The following POTEE variants were observed in gnomAD, a reference collection of about 807,000 sequenced individuals.
POTEE encodes the protein ANKRD26-like family C member 1A.
POTEE carries 21 observed loss-of-function variants against 74.2 expected under a neutral mutation model. The observed-to-expected ratio is 0.28, with a 90% confidence interval of 0.20 to 0.41. The LOEUF (loss-of-function observed/expected upper bound fraction) is 0.41. Among genes scored for constraint, POTEE ranks in the 10% least tolerant of loss-of-function variants. The probability of loss-of-function intolerance (pLI) is 1.00; values close to 1 mark genes in which losing one functional copy is unlikely to be tolerated. For missense variants in POTEE, 525 were observed against 1,158.6 expected (o/e 0.45, Z 7.94); for synonymous variants, 211 against 432.8 (o/e 0.49, Z 6.36).
intron 2 of POTEE, among the ~76,000 whole-genome samples, chr2:131,211,910 T>C (rs1188840353): frequency 2.0e-5 from 3 of 150,858 alleles, no homozygotes; most frequent in Non-Finnish European, 4.4e-5. Flanking sequence ...ATTTTGTGAA[T>C]TGGGGAGGGG....
chr2:131,218,312 T>C lies in POTEE; in HGVS notation c.-91T>C. On this transcript the variant is annotated splice_region_variant and 5_prime_UTR_variant, in exon 4 of 18. Coordinates refer to ENST00000683005, the MANE Select transcript of POTEE (RefSeq NM_001083538.3). ...GATTGACATTTCTCTTCAAACAGATTGGAAACCCGGAGTTACCTGCTAGTT... is the reference window on the plus strand; with the variant it reads ...GATTGACATTTCTCTTCAAACAGATCGGAAACCCGGAGTTACCTGCTAGTT... The C allele has an allele frequency of 1.9e-6, 3 of 1,589,636 alleles. No homozygotes were observed. The South Asian group carries it at 3.5e-5, about 18-fold the overall frequency.
intron 6 of POTEE, among the ~76,000 whole-genome samples, chr2:131,224,799 T>C (rs2105078332): frequency 6.6e-6 from 1 of 151,728 alleles, no homozygotes; most frequent in Non-Finnish European, 1.5e-5. Context: ...GGTGGTAATG[T>C]AAGAGGAAAC....
intron 6 of POTEE, among the ~76,000 whole-genome samples, chr2:131,226,609 G>C (rs1700787001): frequency 6.7e-6 from 1 of 150,094 alleles, no homozygotes; most frequent in Admixed American, 6.6e-5. Context: ...GAGTTTTTGA[G>C]ATGATTAGAG....
chr2:131,212,943 A>C (rs1700387053), intron 2 of POTEE, among the ~76,000 whole-genome samples: 1 of 149,856 alleles, frequency 6.7e-6, no homozygotes, highest in South Asian at 2.1e-4. Flanking sequence ...GAGAAAAAGG[A>C]AGTCGGGAGA....
In POTEE at chr2:131,215,480, T is replaced by G. The variant is rs150714749; in HGVS notation, c.-188-2109T>G. ...AATTTTTACTAGATTTTTCAAGACT[T>G]ACGCTAGAACTTTGAGAACAAGGTA... is the stretch of plus-strand genomic sequence containing the variant. On this transcript the variant is annotated intron_variant, in intron 2 of 17. Coordinates refer to ENST00000683005, the MANE Select transcript of POTEE (RefSeq NM_001083538.3). Among the ~76,000 whole-genome samples the G allele has an allele frequency of 1.8e-3, 270 of 151,976 alleles. 2 individuals are homozygous for G. In the East Asian group the frequency reaches 0.03, roughly 17 times the overall value.
At chr2:131,228,970 C>T (rs1224549246) in intron 8 of POTEE, among the ~76,000 whole-genome samples, 2 of 147,114 alleles carry the variant, frequency 1.4e-5, no homozygotes, top group South Asian at 4.2e-4. Flanking sequence ...GTCTTCATGG[C>T]GATTCATACA....
chr2:131,230,290 A>T (rs1056339029), intron 8 of POTEE, among the ~76,000 whole-genome samples: 5 of 152,216 alleles, frequency 3.3e-5, no homozygotes, highest in African/African-American at 1.2e-4. Flanking sequence ...GAAAACTACA[A>T]CATTTGTATA....
rs553121253 is a variant in POTEE at position 131,223,664 on chromosome 2, G to A, written c.590G>A (p.Cys197Tyr). The A allele has an allele frequency of 3.7e-6, 6 of 1,611,650 alleles. No individual in the cohort carries two copies. In the African/African-American group the frequency reaches 8.1e-5, roughly 22 times the overall value. Residue 197 changes from cysteine (C) to tyrosine (Y), a missense_variant, in exon 5 of 18, where the codon TGT becomes TAT. Transcript: ENST00000683005. ...GTAAAACTCCTGCTGGACAGACGAT[G>A]TCAACTTAATGTCCTTGACAACAAA... Reference protein sequence around the residue: ...EVVKLLLDRRCQLNVLDNKKR... With the variant: ...EVVKLLLDRRYQLNVLDNKKR...
Position 131,221,907 on chromosome 2 carries a change from A to G in POTEE, c.522-1689A>G, listed in dbSNP as rs571439406. Among the ~76,000 whole-genome samples, 46 of 152,374 alleles carry G rather than the reference A, an allele frequency of 3.0e-4. No homozygotes were observed. The South Asian group carries it at 9.5e-3, about 32-fold the overall frequency. ...GTTCATCCATTCTTTCAATCCATTT[A>G]GTCATCAGACATAAGCCAGACACCT... On this transcript the variant is annotated intron_variant, in intron 4 of 17. Transcript: ENST00000683005.
At chr2:131,220,658 T>G (rs982852360) in intron 4 of POTEE, among the ~76,000 whole-genome samples, 3 of 152,002 alleles carry the variant, frequency 2.0e-5, no homozygotes, top group Non-Finnish European at 4.4e-5. Context: ...TGTTTTCTAT[T>G]TAAGTTAGAA....
At chr2:131,212,552 A>T (rs1700381245) in intron 2 of POTEE, among the ~76,000 whole-genome samples, 1 of 59,644 alleles carries the variant, frequency 1.7e-5, no homozygotes, top group African/African-American at 6.6e-5. Flanking sequence ...CTCTGCCACC[A>T]TTTCCTTTGT....
chr2:131,227,392 A>C lies in POTEE; in HGVS notation c.917+463A>C, dbSNP rs543301639. Among the ~76,000 whole-genome samples, 57 of 147,638 alleles carry C rather than the reference A, an allele frequency of 3.9e-4. 4 individuals carry two copies. Among genetic ancestry groups the C allele is most frequent in the African/African-American group, 1.5e-3 (56 of 37,914 alleles). On this transcript the variant is annotated intron_variant, in intron 7 of 17. Transcript: ENST00000683005. Reference sequence around the variant, plus strand: ...TGCTTTAAGTTGCTTTCTTTGAAGAATATTAGTGTTAGCTTATCCCTACAT... The same window carrying C: ...TGCTTTAAGTTGCTTTCTTTGAAGACTATTAGTGTTAGCTTATCCCTACAT...
At chr2:131,213,384 C>T (rs926746212) in intron 2 of POTEE, among the ~76,000 whole-genome samples, 10 of 150,448 alleles carry the variant, frequency 6.6e-5, no homozygotes, top group Admixed American at 1.3e-4. Context: ...TATGCATTTT[C>T]TTGACTGCTT....
chr2:131,225,630 G>T (rs1700760882), intron 6 of POTEE, among the ~76,000 whole-genome samples: 1 of 146,242 alleles, frequency 6.8e-6, no homozygotes, highest in South Asian at 2.2e-4. Flanking sequence ...GCAGTGGTGT[G>T]ATCACAGCTC....
chr2:131,211,520 C>CTGTGTGTGTGTGTGTGTGTGTGTG (rs369206786), intron 2 of POTEE, among the ~76,000 whole-genome samples: 672 of 50,190 alleles, frequency 0.013, 84 homozygotes, highest in Middle Eastern at 0.043. Flanking sequence ...TAGGGGGTGA[C>CTGTGTGTGTGTGTGTGTGTGTGTG]TGTGTGTGTG....
At position 131,263,520 on chromosome 2, in the gene POTEE, A is replaced by G; in HGVS notation, c.2065A>G (p.Asn689Asp). The G allele has an allele frequency of 6.2e-7, 1 of 1,611,080 alleles. No homozygotes were observed. ...DIESVKKKNDNLLKALQLNEL... is the reference protein window; with the variant it reads ...DIESVKKKNDDLLKALQLNEL... ...TGAAAGTGTGAAAAAAAAGAATGAT[A>G]ATCTTTTAAAGGCTCTACAATTGAA... Residue 689 changes from asparagine (N) to aspartate (D), a missense_variant, in exon 18 of 18, where the codon AAT becomes GAT. Coordinates refer to ENST00000683005, the MANE Select transcript of POTEE (RefSeq NM_001083538.3).
intron 10 of POTEE, among the ~76,000 whole-genome samples, 150 bp from the exon 11 acceptor site, chr2:131,238,042 AAC>A (rs1373459130): frequency 2.0e-5 from 3 of 151,408 alleles, no homozygotes; most frequent in African/African-American, 4.8e-5. Context: ...TTATTTATTT[AAC>A]AGTTAAATTT....
At chr2:131,211,463 T>C (rs1421644531) in intron 2 of POTEE, among the ~76,000 whole-genome samples, 3 of 140,924 alleles carry the variant, frequency 2.1e-5, no homozygotes, top group Non-Finnish European at 3.1e-5. Flanking sequence ...GTGGCCTCCT[T>C]CTGAGCCAGG....
At chr2:131,263,172 A>G (rs1282887114) in intron 17 of POTEE, among the ~76,000 whole-genome samples, 183 bp from the exon 18 acceptor site, 1 of 149,972 alleles carries the variant, frequency 6.7e-6, no homozygotes, top group African/African-American at 2.4e-5. Context: ...GACGATGAAA[A>G]ATAAATCACT....
Sources: gnomAD v4.1 joint callset for allele counts (sites outside exome capture counted in the v4.1 genomes callset) on GRCh38, gnomAD v4.1.1 for gene constraint, MANE v1.5 for transcripts, NCBI Gene and HGNC (gene_info 2026-07-23, HGNC 2026-07-21) for gene names.